Variants in CLMN observed in about 807,000 individuals in gnomAD.
The protein encoded by CLMN is calmin (calponin-like, transmembrane).
CLMN carries 57 observed loss-of-function variants against 92.7 expected under a neutral mutation model. That is an observed-to-expected ratio of 0.61 (90% CI 0.50 to 0.77). The LOEUF (loss-of-function observed/expected upper bound fraction) is 0.77. CLMN is among the 30% of genes least tolerant of loss of function. The pLI, the probability that CLMN is intolerant of heterozygous loss-of-function variation, is 0.00. For missense variants in CLMN, 1,158 were observed against 1,237.5 expected (o/e 0.94, Z 0.96); for synonymous variants, 466 against 470.6 (o/e 0.99, Z 0.13).
chr14:95,201,172 AATAT>A (rs752992909), intron 9 of CLMN, among the ~76,000 whole-genome samples: 1 of 150,358 alleles, frequency 6.7e-6, no homozygotes, highest in African/African-American at 2.4e-5. Context: ...AAAATTTAAA[AATAT>A]ATATATATAT....
intron 9 of CLMN, among the ~76,000 whole-genome samples, chr14:95,197,968 T>C (rs1466501285): frequency 6.6e-6 from 1 of 152,154 alleles, no homozygotes; most frequent in African/African-American, 2.4e-5. Context: ...GAGGGCTTAT[T>C]TATTTTTTCA....
At position 95,245,239 on chromosome 14, in the gene CLMN, T is replaced by A. The variant is rs866123959; in HGVS notation, c.83-15106A>T. 6.7e-3 allele frequency among the ~76,000 whole-genome samples: 143 copies of A among 21,374 alleles called. 1 individual carries two copies. Among genetic ancestry groups the A allele is most frequent in the Non-Finnish European group, 7.8e-3 (108 of 13,808 alleles). The allele number at this position is 21,374 out of a possible 152,430, so 14.0% of individuals were successfully genotyped here. A position where few individuals can be genotyped will look rare whatever the true frequency, so the allele number is the denominator to read the frequency against. Reference sequence around the variant, plus strand: ...ATATATATATATTATATATATATATTATATATATATATATAATATATATAT... The same window carrying A: ...ATATATATATATTATATATATATATAATATATATATATATAATATATATAT... On this transcript the variant is annotated intron_variant, in intron 1 of 12. Coordinates refer to ENST00000298912, the MANE Select transcript of CLMN (RefSeq NM_024734.4).
intron 1 of CLMN, among the ~76,000 whole-genome samples, chr14:95,311,074 G>A (rs934620022): frequency 1.3e-5 from 2 of 152,126 alleles, no homozygotes; most frequent in Non-Finnish European, 2.9e-5. Flanking sequence ...GGAGGCAAAC[G>A]TGGGAAGGCC....
chr14:95,284,644 C>T (rs1357792246), intron 1 of CLMN, among the ~76,000 whole-genome samples: 3 of 152,084 alleles, frequency 2.0e-5, no homozygotes. Context: ...CCCCCCACCC[C>T]CAAATTTCAG....
chr14:95,236,440 G>A (rs776864990), intron 1 of CLMN, among the ~76,000 whole-genome samples: 8 of 152,240 alleles, frequency 5.3e-5, no homozygotes, highest in African/African-American at 9.6e-5. Context: ...TTCTCAGCCC[G>A]GGGTGATGGC....
chr14:95,287,034 G>T (rs373836045), intron 1 of CLMN, among the ~76,000 whole-genome samples: 2 of 152,292 alleles, frequency 1.3e-5, no homozygotes, highest in African/African-American at 4.8e-5. Context: ...TCCCCGCAAG[G>T]CTACCACATT....
intron 1 of CLMN, among the ~76,000 whole-genome samples, chr14:95,269,019 G>A (rs2140717210): frequency 6.6e-6 from 1 of 151,782 alleles, no homozygotes; most frequent in East Asian, 1.9e-4. Flanking sequence ...AGCCAGGCTG[G>A]TCTTGAACTC....
intron 1 of CLMN, among the ~76,000 whole-genome samples, chr14:95,237,585 T>C (rs192803738): frequency 1.3e-5 from 2 of 152,248 alleles, no homozygotes; most frequent in East Asian, 1.9e-4. Flanking sequence ...CTTTGCAACT[T>C]TGCTCCAGTT....
At chr14:95,289,622 T>C (rs1900484247) in intron 1 of CLMN, among the ~76,000 whole-genome samples, 1 of 152,176 alleles carries the variant, frequency 6.6e-6, no homozygotes, top group Admixed American at 6.5e-5. Flanking sequence ...ACCTGGGTGT[T>C]GGAGGGCGTG....
At chr14:95,246,758 C>A (rs1306159458) in intron 1 of CLMN, among the ~76,000 whole-genome samples, 2 of 152,210 alleles carry the variant, frequency 1.3e-5, no homozygotes, top group African/African-American at 4.8e-5. Context: ...TGAGCCACGG[C>A]ACCTGGCCAC....
intron 1 of CLMN, among the ~76,000 whole-genome samples, chr14:95,257,126 C>T (rs1269552573): frequency 1.3e-5 from 2 of 152,124 alleles, no homozygotes; most frequent in African/African-American, 2.4e-5. Context: ...CATAAAGCTT[C>T]GTTAAATTAG....
At chr14:95,217,859 G>C (rs1172842705) in intron 4 of CLMN, among the ~76,000 whole-genome samples, 1 of 152,236 alleles carries the variant, frequency 6.6e-6, no homozygotes, top group Non-Finnish European at 1.5e-5. Context: ...GGGAAGGGCA[G>C]GGCTGAGCAG....
At chr14:95,309,940 G>C (rs1901457926) in intron 1 of CLMN, among the ~76,000 whole-genome samples, 2 of 152,238 alleles carry the variant, frequency 1.3e-5, no homozygotes, top group Admixed American at 6.5e-5. Context: ...TCAGAAGTCT[G>C]AATGGGTTTT....
chr14:95,287,065 A>G (rs759630903), intron 1 of CLMN, among the ~76,000 whole-genome samples: 4 of 152,232 alleles, frequency 2.6e-5, no homozygotes, highest in Non-Finnish European at 4.4e-5. Flanking sequence ...CACCTTCACT[A>G]GAATCCCAGC....
At chr14:95,237,222 A>T (rs1263664889) in intron 1 of CLMN, among the ~76,000 whole-genome samples, 1 of 152,248 alleles carries the variant, frequency 6.6e-6, no homozygotes, top group Non-Finnish European at 1.5e-5. Context: ...TCCAATTTAC[A>T]GCACATCACG....
chr14:95,264,103 T>C lies in CLMN; in HGVS notation c.83-33970A>G, dbSNP rs141272099. On this transcript the variant is annotated intron_variant, in intron 1 of 12. Coordinates refer to ENST00000298912, the MANE Select transcript of CLMN (RefSeq NM_024734.4). ...CCCAGGCTGGACTGCAGTGGCACCA[T>C]CTCAGCTCACACTGCAGCCCTGACC... is the stretch of plus-strand genomic sequence containing the variant. Among the ~76,000 whole-genome samples the C allele has an allele frequency of 4.6e-3, 698 of 152,170 alleles. 5 individuals are homozygous for C. The highest frequency in any genetic ancestry group is 0.016 in the African/African-American group (663 of 41,506).
chr14:95,232,492 C>T (rs1034152920), intron 1 of CLMN, among the ~76,000 whole-genome samples: 2 of 152,184 alleles, frequency 1.3e-5, no homozygotes, highest in Admixed American at 6.5e-5. Context: ...CAATATTATG[C>T]CTTACAATAT....
intron 1 of CLMN, among the ~76,000 whole-genome samples, chr14:95,262,108 C>A (rs779751741): frequency 6.6e-6 from 1 of 152,236 alleles, no homozygotes; most frequent in Non-Finnish European, 1.5e-5. Context: ...AATCTGAACT[C>A]TCCACGTGTC....
At chr14:95,218,149 C>T (rs1162352710) in intron 4 of CLMN, among the ~76,000 whole-genome samples, 1 of 152,168 alleles carries the variant, frequency 6.6e-6, no homozygotes, top group Admixed American at 6.5e-5. Flanking sequence ...GGAAATATTC[C>T]GTCTCCCTCT....
Sources: gnomAD v4.1 joint callset for allele counts (sites outside exome capture counted in the v4.1 genomes callset) on GRCh38, gnomAD v4.1.1 for gene constraint, MANE v1.5 for transcripts, NCBI Gene and HGNC (gene_info 2026-07-23, HGNC 2026-07-21) for gene names.